Variants in PHB1 observed in about 807,000 individuals in gnomAD.
The protein encoded by PHB1 is prohibitin 1.
At chr17:49,410,256 C>T in the PHB1 span, among the ~76,000 whole-genome samples, 137 of 152,238 alleles carry the variant, frequency 9.0e-4, no homozygotes, top group Admixed American at 1.6e-3. Flanking sequence ...TGAGCTTAAG[C>T]ATTTCTCCTG....
chr17:49,407,023 T>G, the PHB1 span: 1 of 633,112 alleles, frequency 1.6e-6, no homozygotes, highest in South Asian at 1.8e-5. Flanking sequence ...AAACTGAGTT[T>G]ACACCCAGAC....
At chr17:49,409,391 T>C in the PHB1 span, 6 of 1,613,992 alleles carry the variant, frequency 3.7e-6, no homozygotes, top group Non-Finnish European at 5.1e-6. Flanking sequence ...CATAGTCCTC[T>C]CCGATGCTGG....
chr17:49,414,785 G>A, the PHB1 span: 2 of 152,264 alleles, frequency 1.3e-5, no homozygotes, highest in Non-Finnish European at 2.9e-5. Flanking sequence ...AGCAGAGGAG[G>A]ACTGCAGAGA....
At chr17:49,409,207 C>T in the PHB1 span, 1 of 1,577,398 alleles carries the variant, frequency 6.3e-7, no homozygotes, top group Non-Finnish European at 8.7e-7. Context: ...AATGAGGAAG[C>T]AGAAAAGGAA....
At chr17:49,414,351 G>A in the PHB1 span, 3 of 151,640 alleles carry the variant, frequency 2.0e-5, no homozygotes, top group Admixed American at 6.6e-5. Flanking sequence ...ACCCATTTGG[G>A]AGAAAGGCTC....
the PHB1 span, chr17:49,406,651 GGAAGAAGGGATGACAGATGAT>G: frequency 1.6e-5 from 13 of 805,648 alleles, no homozygotes; most frequent in Non-Finnish European, 2.8e-5. Flanking sequence ...TGATTATCCC[GGAAGAAGGGATGACAGATGAT>G]GAATTTCCAG....
the PHB1 span, chr17:49,413,090 C>A: frequency 1.1e-6 from 1 of 944,864 alleles, no homozygotes; most frequent in Non-Finnish European, 1.7e-6. Context: ...CTGACGGCAG[C>A]TACCATCAAG....
chr17:49,406,053 A>C, the PHB1 span, among the ~76,000 whole-genome samples: 1 of 152,236 alleles, frequency 6.6e-6, no homozygotes, highest in Non-Finnish European at 1.5e-5. Flanking sequence ...TTTGCTCAAC[A>C]AACATTTACT....
the PHB1 span, chr17:49,408,952 G>T: frequency 1.3e-6 from 1 of 761,228 alleles, no homozygotes; most frequent in Non-Finnish European, 2.2e-6. Flanking sequence ...GCAGAAGGGA[G>T]GACCTAATAG....
At chr17:49,405,320 G>C in the PHB1 span, 1 of 810,282 alleles carries the variant, frequency 1.2e-6, no homozygotes, top group Non-Finnish European at 2.0e-6. Context: ...AACTCGGGGA[G>C]TTTACTTCCT....
At chr17:49,406,029 G>C in the PHB1 span, among the ~76,000 whole-genome samples, 5 of 152,230 alleles carry the variant, frequency 3.3e-5, no homozygotes, top group East Asian at 9.6e-4. Context: ...TGAAATGACT[G>C]GGCCCTGCGT....
At chr17:49,411,766 A>G in the PHB1 span, 1 of 1,614,022 alleles carries the variant, frequency 6.2e-7, no homozygotes, top group Non-Finnish European at 8.5e-7. Flanking sequence ...TGAGAAAATG[A>G]GTCCCTTCCC....
chr17:49,406,986 C>A, the PHB1 span: 2 of 686,424 alleles, frequency 2.9e-6, no homozygotes, highest in African/African-American at 1.8e-5. Context: ...GAGGCCAGAA[C>A]ACTCTTCCAC....
chr17:49,413,599 C>T, the PHB1 span, among the ~76,000 whole-genome samples: 1 of 151,206 alleles, frequency 6.6e-6, no homozygotes, highest in African/African-American at 2.4e-5. Flanking sequence ...GCCTCGACCT[C>T]CCAGGCTCAA....
chr17:49,405,016 G>A, the PHB1 span: 8 of 1,557,394 alleles, frequency 5.1e-6, no homozygotes, highest in Admixed American at 3.9e-5. Context: ...GGAGGAGCAC[G>A]GACTGCCCCG....
At chr17:49,414,149 C>A in the PHB1 span, 2 of 152,188 alleles carry the variant, frequency 1.3e-5, no homozygotes, top group Admixed American at 6.5e-5. Flanking sequence ...CAGAGGCACA[C>A]AGAGAGGTTA....
the PHB1 span, chr17:49,404,057 C>T: frequency 9.2e-5 from 14 of 152,578 alleles, no homozygotes; most frequent in African/African-American, 3.1e-4. Flanking sequence ...ATGGCTGAGC[C>T]GGAAGGTCTG....
chr17:49,404,646 C>G, the PHB1 span: 1 of 361,014 alleles, frequency 2.8e-6, no homozygotes, highest in Non-Finnish European at 5.3e-6. Context: ...GACACCTGTG[C>G]TCCCCAGTCC....
the PHB1 span, chr17:49,412,003 A>T: frequency 1.6e-6 from 1 of 609,816 alleles, no homozygotes; most frequent in Non-Finnish European, 2.8e-6. Flanking sequence ...AACTAGCTGC[A>T]AAACTAAGCA....
Sources: gnomAD v4.1 joint callset for allele counts (sites outside exome capture counted in the v4.1 genomes callset) on GRCh38, gnomAD v4.1.1 for gene constraint, MANE v1.5 for transcripts, NCBI Gene and HGNC (gene_info 2026-07-23, HGNC 2026-07-21) for gene names.